The following SDK1 variants were observed in gnomAD, a reference collection of about 807,000 sequenced individuals.
The protein encoded by SDK1 is protein sidekick-1.
Under a neutral mutation model 245.5 loss-of-function variants are expected in SDK1, and 157 were observed. That is an observed-to-expected ratio of 0.64 (90% confidence interval 0.56 to 0.73). SDK1 has a LOEUF of 0.73. SDK1 is among the 30% of genes least tolerant of loss of function. SDK1 has a pLI of 0.00. For missense variants in SDK1, 3,583 were observed against 3,002.3 expected (o/e 1.19, Z -4.52); for synonymous variants, 1,647 against 1,278.5 (o/e 1.29, Z -6.15).
At chr7:3,369,580 T>G (rs1319696416) in intron 1 of SDK1, among the ~76,000 whole-genome samples, 1 of 152,234 alleles carries the variant, frequency 6.6e-6, no homozygotes, top group Admixed American at 6.5e-5. Flanking sequence ...AATCAACATT[T>G]GTTCTTTCTT....
chr7:3,995,619 A>G (rs778999033), intron 14 of SDK1, among the ~76,000 whole-genome samples: 2 of 152,038 alleles, frequency 1.3e-5, no homozygotes, highest in African/African-American at 2.4e-5. Context: ...TTCTACTCCA[A>G]CTACACGAAG....
At chr7:3,622,918 T>A (rs1452858964) in intron 2 of SDK1, among the ~76,000 whole-genome samples, 2 of 152,084 alleles carry the variant, frequency 1.3e-5, no homozygotes, top group African/African-American at 4.8e-5. Flanking sequence ...CCCCATGATA[T>A]AAAACCTGTC....
chr7:3,674,773 A>T (rs1783836990), intron 4 of SDK1, among the ~76,000 whole-genome samples: 1 of 152,180 alleles, frequency 6.6e-6, no homozygotes, highest in Admixed American at 6.5e-5. Flanking sequence ...CCAGGTGACC[A>T]ACATGACGTC....
intron 20 of SDK1, 88 bp from the exon 21 acceptor site, chr7:4,076,910 T>A: frequency 8.4e-7 from 1 of 1,193,612 alleles, no homozygotes; most frequent in Non-Finnish European, 1.2e-6. Context: ...TCTCCATAGC[T>A]CCAAGCCTGC....
At chr7:3,719,187 A>G (rs562888866) in intron 4 of SDK1, among the ~76,000 whole-genome samples, 1 of 152,198 alleles carries the variant, frequency 6.6e-6, no homozygotes, top group African/African-American at 2.4e-5. Flanking sequence ...TGAGAAATGG[A>G]AGAAATCAAA....
At chr7:4,050,844 TA>T (rs1339357850) in intron 18 of SDK1, among the ~76,000 whole-genome samples, 2 of 146,276 alleles carry the variant, frequency 1.4e-5, no homozygotes, top group African/African-American at 5.0e-5. Flanking sequence ...TCTTTACTGT[TA>T]AAATATATAT....
At chr7:3,936,872 G>A (rs1479269959) in intron 5 of SDK1, among the ~76,000 whole-genome samples, 1 of 152,174 alleles carries the variant, frequency 6.6e-6, no homozygotes, top group African/African-American at 2.4e-5. Flanking sequence ...GACGAGTTAG[G>A]AATGGAGAGA....
intron 31 of SDK1, 146 bp from the exon 32 acceptor site, chr7:4,161,640 C>T (rs927665071): frequency 3.5e-5 from 23 of 666,452 alleles, no homozygotes; most frequent in Middle Eastern, 4.3e-4. Context: ...TGGGAAGCCC[C>T]GAGGAAGGGC....
chr7:3,423,118 T>C (rs1779577752), intron 1 of SDK1, among the ~76,000 whole-genome samples: 1 of 152,230 alleles, frequency 6.6e-6, no homozygotes, highest in Non-Finnish European at 1.5e-5. Context: ...CAGGAAACTA[T>C]TGTAAATCCA....
chr7:4,115,417 A>G (rs1223670680), intron 25 of SDK1, among the ~76,000 whole-genome samples: 1 of 152,208 alleles, frequency 6.6e-6, no homozygotes, highest in Non-Finnish European at 1.5e-5. Flanking sequence ...GAAAAGAACA[A>G]GACTCCCCCA....
chr7:3,877,269 C>T (rs1206376843), intron 5 of SDK1, among the ~76,000 whole-genome samples: 2 of 152,202 alleles, frequency 1.3e-5, no homozygotes, highest in Non-Finnish European at 2.9e-5. Flanking sequence ...CCTCTCTGAG[C>T]TATGTTTCCT....
At chr7:4,065,694 GTTTTTTTTTTTT>G (rs749991713) in intron 19 of SDK1, among the ~76,000 whole-genome samples, 26 of 66,714 alleles carry the variant, frequency 3.9e-4, no homozygotes, top group African/African-American at 7.5e-4. Context: ...AGTGGTTGTT[GTTTTTTTTTTTT>G]TTTTTTTTTT....
intron 1 of SDK1, among the ~76,000 whole-genome samples, chr7:3,474,310 G>A (rs1781280556): frequency 6.6e-6 from 1 of 151,618 alleles, no homozygotes; most frequent in South Asian, 2.1e-4. Context: ...TGGCCAGGAT[G>A]GTCTCGGTCT....
rs376067394 is a variant in SDK1 at position 3,639,763 on chromosome 7, G to T, written c.565+653G>T. Among the ~76,000 whole-genome samples, 14 of 151,930 alleles carry T rather than the reference G, an allele frequency of 9.2e-5. 1 individual carries two copies. Among genetic ancestry groups the T allele is most frequent in the African/African-American group, 3.4e-4 (14 of 41,434 alleles). On this transcript the variant is annotated intron_variant, in intron 3 of 44. Transcript: ENST00000404826. Reference sequence around the variant, plus strand: ...TTCAAAATCTATGAAGAGTAAAAATGGACTGTCTGCTTTATTTTATGTACA... The same window carrying T: ...TTCAAAATCTATGAAGAGTAAAAATTGACTGTCTGCTTTATTTTATGTACA...
At chr7:3,932,204 C>G (rs1021817529) in intron 5 of SDK1, among the ~76,000 whole-genome samples, 2 of 152,148 alleles carry the variant, frequency 1.3e-5, no homozygotes, top group Non-Finnish European at 2.9e-5. Flanking sequence ...AGCAGTAGCT[C>G]CCCCCTCACT....
chr7:3,785,897 T>C (rs1780885768), intron 4 of SDK1, among the ~76,000 whole-genome samples: 1 of 152,142 alleles, frequency 6.6e-6, no homozygotes, highest in East Asian at 1.9e-4. Flanking sequence ...CTATGCAAAA[T>C]AGTGAGAGAA....
At chr7:3,709,149 C>G (rs1323897044) in intron 4 of SDK1, among the ~76,000 whole-genome samples, 1 of 152,198 alleles carries the variant, frequency 6.6e-6, no homozygotes, top group African/African-American at 2.4e-5. Context: ...GACAAATTCT[C>G]TCAGCATTTA....
chr7:3,930,472 A>G lies in SDK1; in HGVS notation c.848-20451A>G, dbSNP rs577774289. The stretch of plus-strand genomic sequence containing the variant: ...GACATGGAAGAGGCAGGTCTCAAGA[A>G]TACCAGTAAAGCCAGACGTGGCTTC... On this transcript the variant is annotated intron_variant, in intron 5 of 44. Coordinates refer to ENST00000404826, the MANE Select transcript of SDK1 (RefSeq NM_152744.4). Among the ~76,000 whole-genome samples the G allele has an allele frequency of 2.0e-4, 30 of 152,346 alleles. No individual in the cohort carries two copies. The South Asian group carries it at 6.0e-3, about 31-fold the overall frequency.
intron 17 of SDK1, among the ~76,000 whole-genome samples, chr7:4,047,949 A>G (rs887865302): frequency 6.6e-6 from 1 of 152,204 alleles, no homozygotes; most frequent in Non-Finnish European, 1.5e-5. Flanking sequence ...CAAGTAGGGC[A>G]GTTTCCTGGT....
Sources: allele counts gnomAD v4.1 joint callset (sites outside exome capture counted in the v4.1 genomes callset), GRCh38; gene constraint gnomAD v4.1.1; transcripts MANE v1.5; gene names NCBI Gene and HGNC (gene_info 2026-07-23, HGNC 2026-07-21).